Variants in TMTC1 observed in about 807,000 individuals in gnomAD.
TMTC1 encodes protein O-mannosyl-transferase TMTC1.
A neutral mutation model predicts 104.8 loss-of-function variants in TMTC1; 73 were observed. The ratio of observed to expected loss-of-function variants is 0.70; its 90% confidence interval spans 0.58 to 0.85. The LOEUF (loss-of-function observed/expected upper bound fraction) is 0.85, where lower values mean the gene tolerates loss of function less well. TMTC1 is among the 40% of genes least tolerant of loss of function. The pLI is 0.00. For missense variants in TMTC1, 1,035 were observed against 1,096.1 expected, an observed-to-expected ratio of 0.94 and a Z score of 0.79; for synonymous variants, 434 against 428.7, an observed-to-expected ratio of 1.01 and a Z score of -0.15.
At chr12:29,591,604 C>T (rs577968724) in intron 7 of TMTC1, among the ~76,000 whole-genome samples, 6 of 152,162 alleles carry the variant, frequency 3.9e-5, no homozygotes, top group Admixed American at 3.3e-4. Flanking sequence ...GAGAATGTAG[C>T]GATCTGACAC....
At chr12:29,589,481 G>C (rs370070618) in intron 7 of TMTC1, among the ~76,000 whole-genome samples, 1 of 152,214 alleles carries the variant, frequency 6.6e-6, no homozygotes, top group Non-Finnish European at 1.5e-5. Flanking sequence ...TCCTGCTGTA[G>C]AGGATTTGAC....
At chr12:29,582,603 C>A (rs1946012336) in intron 8 of TMTC1, among the ~76,000 whole-genome samples, 11 of 152,216 alleles carry the variant, frequency 7.2e-5, no homozygotes, top group Admixed American at 7.2e-4. Context: ...CCGGGTTCTT[C>A]ACTTCCCTTA....
chr12:29,624,542 C>T (rs1937870511), intron 6 of TMTC1, among the ~76,000 whole-genome samples: 2 of 152,178 alleles, frequency 1.3e-5, no homozygotes, highest in Admixed American at 1.3e-4. Flanking sequence ...CCATCTCAGC[C>T]TCCTTACTGT....
At chr12:29,755,967 A>G in intron 3 of TMTC1, 82 bp from the exon 4 acceptor site, 3 of 1,388,610 alleles carry the variant, frequency 2.2e-6, no homozygotes, top group Non-Finnish European at 2.9e-6. Context: ...GATAAGATCT[A>G]ATGTCAATTT....
chr12:29,523,998 G>T (rs1395532036), intron 11 of TMTC1, among the ~76,000 whole-genome samples: 1 of 152,010 alleles, frequency 6.6e-6, no homozygotes, highest in Non-Finnish European at 1.5e-5. Context: ...GTGACCATTA[G>T]GCTTTTAACG....
chr12:29,591,834 T>C (rs938453429), intron 7 of TMTC1, among the ~76,000 whole-genome samples: 3 of 152,240 alleles, frequency 2.0e-5, no homozygotes, highest in Non-Finnish European at 4.4e-5. Flanking sequence ...GTTTGGGAAC[T>C]TGTTAGCAGC....
At chr12:29,542,058 A>G (rs1397057304) in intron 10 of TMTC1, among the ~76,000 whole-genome samples, 1 of 152,226 alleles carries the variant, frequency 6.6e-6, no homozygotes, top group Non-Finnish European at 1.5e-5. Context: ...CAAAGGGGAA[A>G]AATATTAAAA....
At chr12:29,586,981 T>C (rs939734322) in intron 7 of TMTC1, among the ~76,000 whole-genome samples, 4 of 152,174 alleles carry the variant, frequency 2.6e-5, no homozygotes, top group African/African-American at 7.2e-5. Flanking sequence ...CCTCTTTTTC[T>C]ATTGATTGGA....
At chr12:29,644,106 T>TATAAATATAAATATATAA in intron 5 of TMTC1, among the ~76,000 whole-genome samples, 1 of 43,568 alleles carries the variant, frequency 2.3e-5, no homozygotes, top group African/African-American at 1.0e-4. Flanking sequence ...AATATATAAA[T>TATAAATATAAATATATAA]ATATATGTGT....
intron 5 of TMTC1, among the ~76,000 whole-genome samples, chr12:29,705,483 G>C (rs1941714069): frequency 6.6e-6 from 1 of 152,124 alleles, no homozygotes; most frequent in Non-Finnish European, 1.5e-5. Context: ...CCAGGAAAAG[G>C]AGGACTCAGT....
At chr12:29,577,415 C>T (rs1945854871) in intron 8 of TMTC1, among the ~76,000 whole-genome samples, 1 of 152,146 alleles carries the variant, frequency 6.6e-6, no homozygotes, top group Non-Finnish European at 1.5e-5. Context: ...TTCTCATGTA[C>T]TAGAATGGGG....
rs540860280 is a variant in TMTC1, at chr12:29,551,261, A to G, written c.1676+5596T>C. 3.3e-5 allele frequency among the ~76,000 whole-genome samples: 5 copies of G among 152,310 alleles called. No homozygotes were observed. The South Asian group carries it at 8.3e-4, about 25-fold the overall frequency. On this transcript the variant is annotated intron_variant, in intron 10 of 17. Transcript: ENST00000539277. The stretch of plus-strand genomic sequence containing the variant: ...AGTTAAAAGGTAGAGAAAAACTACT[A>G]TCTTGAATGTATCAACTTCCTTTTT...
chr12:29,717,844 GATT>G (rs2136868669), intron 5 of TMTC1, among the ~76,000 whole-genome samples: 1 of 152,200 alleles, frequency 6.6e-6, no homozygotes, highest in Non-Finnish European at 1.5e-5. Context: ...TATTACAAGT[GATT>G]ATTATAATAA....
At chr12:29,765,006 T>G (rs1004002910) in intron 2 of TMTC1, among the ~76,000 whole-genome samples, 1 of 152,208 alleles carries the variant, frequency 6.6e-6, no homozygotes, top group African/African-American at 2.4e-5. Flanking sequence ...GTCCCCAATA[T>G]GCTCTAAGCA....
chr12:29,637,920 T>C (rs1049101080), intron 5 of TMTC1, among the ~76,000 whole-genome samples: 1 of 152,208 alleles, frequency 6.6e-6, no homozygotes, highest in Non-Finnish European at 1.5e-5. Flanking sequence ...TCTTTTATCA[T>C]TTTATAAATA....
intron 5 of TMTC1, among the ~76,000 whole-genome samples, chr12:29,709,861 G>C (rs1337331731): frequency 1.3e-5 from 2 of 152,168 alleles, no homozygotes; most frequent in African/African-American, 4.8e-5. Context: ...GGTTTCTTGA[G>C]GTTGCTATAG....
At chr12:29,559,773 G>A (rs73071517) in intron 9 of TMTC1, among the ~76,000 whole-genome samples, 12,119 of 152,144 alleles carry the variant, frequency 0.08, 552 homozygotes, top group Middle Eastern at 0.19. Context: ...CTTATTCCCG[G>A]CAATACTAAG....
chr12:29,554,412 G>T (rs964312994), intron 10 of TMTC1, among the ~76,000 whole-genome samples: 5 of 151,888 alleles, frequency 3.3e-5, no homozygotes, highest in African/African-American at 1.2e-4. Flanking sequence ...AGGGATTTGG[G>T]CATGGAAAAG....
chr12:29,523,826 A>T (rs993190913), intron 11 of TMTC1, among the ~76,000 whole-genome samples: 3 of 152,060 alleles, frequency 2.0e-5, no homozygotes, highest in South Asian at 2.1e-4. Flanking sequence ...GGATTTTTTT[A>T]AAAAATTTTA....
Sources: gnomAD v4.1 joint callset for allele counts (sites outside exome capture counted in the v4.1 genomes callset) on GRCh38, gnomAD v4.1.1 for gene constraint, MANE v1.5 for transcripts, NCBI Gene and HGNC (gene_info 2026-07-23, HGNC 2026-07-21) for gene names.